HAUS6: variants seen among roughly 807,000 people sequenced by gnomAD.
The protein encoded by HAUS6 is HAUS augmin-like complex subunit 6.
In HAUS6, 80 loss-of-function variants were observed where a neutral mutation model predicts 106.8. The ratio of observed to expected loss-of-function variants is 0.75; its 90% CI spans 0.63 to 0.90. The LOEUF is 0.90. Among genes scored for constraint, HAUS6 ranks in the 40% least tolerant of loss-of-function variants. HAUS6 has a pLI of 0.00. For synonymous variants in HAUS6, 356 were observed against 379.1 expected, an observed-to-expected ratio of 0.94 and a Z score of 0.71; for missense variants, 1,155 against 1,118.1, an observed-to-expected ratio of 1.03 and a Z score of -0.47.
At chr9:19,070,374 C>A in intron 11 of HAUS6, 74 bp from the exon 12 acceptor site, 1 of 836,664 alleles carries the variant, frequency 1.2e-6, no homozygotes, top group Non-Finnish European at 2.0e-6. Context: ...CCTTGAAATT[C>A]GAGAACAACT....
rs994603972 is a variant in HAUS6 at position 19,087,332 on chromosome 9, T to C, written c.585-176A>G. Among the ~76,000 whole-genome samples, 4 of 152,150 alleles carry C rather than the reference T, an allele frequency of 2.6e-5. No homozygotes were observed. In the South Asian group the frequency reaches 6.2e-4, roughly 24 times the overall value. On this transcript the variant is annotated intron_variant, in intron 5 of 16. Transcript: ENST00000380502. The stretch of plus-strand genomic sequence containing the variant: ...AAGTGATTCAACATACAGGCTCCTA[T>C]TGAGATGGACCTAGGACTCATAGGT...
chr9:19,080,492 G>A lies in HAUS6; in HGVS notation c.1051C>T (p.Leu351=), dbSNP rs143462027. ...TKFQKERLSD[L]KHMRYRIKDD... ...TTTTTAGTGTACCTCATATGTTTCA[G>A]ATCTGATAATCTTTCCTTCTGAAAT... The change falls in exon 9 of 17, where the codon CTG becomes TTG. Residue 351 remains leucine, a synonymous_variant. Coordinates refer to ENST00000380502, the MANE Select transcript of HAUS6 (RefSeq NM_017645.5). 4.4e-6 allele frequency: 7 copies of A among 1,604,322 alleles called. No homozygotes were observed. In the African/African-American group the frequency reaches 6.7e-5, roughly 15 times the overall value.
At chr9:19,093,405 G>C (rs1402267890) in intron 3 of HAUS6, 102 bp from the exon 4 acceptor site, 21 of 1,024,652 alleles carry the variant, frequency 2.0e-5, no homozygotes, top group Non-Finnish European at 3.0e-5. Context: ...TCTTGCAATA[G>C]AAGTCCCACA....
intron 9 of HAUS6, among the ~76,000 whole-genome samples, chr9:19,079,722 G>A (rs1837095608): frequency 6.6e-6 from 1 of 151,930 alleles, no homozygotes; most frequent in South Asian, 2.1e-4. Flanking sequence ...GGCCAACATG[G>A]TGAAACCCCA....
At chr9:19,090,365 TTTTC>T (rs1378453616) in intron 4 of HAUS6, among the ~76,000 whole-genome samples, 3 of 152,086 alleles carry the variant, frequency 2.0e-5, no homozygotes, top group Non-Finnish European at 2.9e-5. Context: ...AAACAGAATC[TTTTC>T]TTTTTCTTTT....
intron 11 of HAUS6, among the ~76,000 whole-genome samples, chr9:19,072,294 C>T (rs11789469): frequency 0.035 from 5,277 of 152,216 alleles, 114 homozygotes; most frequent in Non-Finnish European, 0.051. Flanking sequence ...GGGCAGATCA[C>T]TTGAGGTCAG....
In HAUS6 at chr9:19,080,368, G is replaced by C. The variant is rs558613102; in HGVS notation, c.1064+111C>G. The stretch of plus-strand genomic sequence containing the variant: ...GATTATGTAAGATTTTTGAGTATTA[G>C]AATTCTCATACTTGTTTGCCAAAGC... On this transcript the variant is annotated intron_variant, in intron 9 of 16. Transcript: ENST00000380502. 93 of 681,622 alleles carry C rather than the reference G, an allele frequency of 1.4e-4. 1 individual carries two copies. In the South Asian group the frequency reaches 1.5e-3, roughly 11 times the overall value. The allele number at this position is 681,622 out of a possible 1,614,324, so 42.2% of individuals were successfully genotyped here. A position where few individuals can be genotyped will look rare whatever the true frequency, so the allele number is the denominator to read the frequency against.
intron 1 of HAUS6, 68 bp downstream of exon 1, chr9:19,102,456 C>T: frequency 2.6e-6 from 4 of 1,545,364 alleles, no homozygotes; most frequent in Non-Finnish European, 3.5e-6. Flanking sequence ...CCGGGGTCTA[C>T]AAAAGGGGGA....
At chr9:19,094,280 C>G in intron 3 of HAUS6, 37 bp downstream of exon 3, 2 of 1,250,880 alleles carry the variant, frequency 1.6e-6, no homozygotes, top group South Asian at 2.5e-5. Context: ...TTTTTAACTT[C>G]TTAAAGTCTG....
At chr9:19,091,124 C>G (rs1388991931) in intron 4 of HAUS6, among the ~76,000 whole-genome samples, 1 of 151,720 alleles carries the variant, frequency 6.6e-6, no homozygotes, top group Non-Finnish European at 1.5e-5. Context: ...CATAATGATA[C>G]CCCATCTATA....
At chr9:19,086,112 G>C (rs886953052) in intron 7 of HAUS6, among the ~76,000 whole-genome samples, 1 of 151,726 alleles carries the variant, frequency 6.6e-6, no homozygotes, top group African/African-American at 2.4e-5. Context: ...AGGAGTTCAA[G>C]ACCAGCTTGG....
At chr9:19,099,311 C>T (rs1817937672) in intron 1 of HAUS6, among the ~76,000 whole-genome samples, 2 of 151,710 alleles carry the variant, frequency 1.3e-5, no homozygotes, top group Non-Finnish European at 2.9e-5. Context: ...CGACTACAGG[C>T]GCCCGCCAAC....
chr9:19,067,637 C>T (rs1266054650), intron 12 of HAUS6, among the ~76,000 whole-genome samples: 1 of 152,112 alleles, frequency 6.6e-6, no homozygotes, highest in African/African-American at 2.4e-5. Context: ...GGTTGAGTTT[C>T]TGGCTCTTAC....
chr9:19,072,404 A>G (rs946700173), intron 11 of HAUS6, among the ~76,000 whole-genome samples: 2 of 151,338 alleles, frequency 1.3e-5, no homozygotes, highest in African/African-American at 2.4e-5. Flanking sequence ...TCCCAGCTAC[A>G]TGGGAAGCTT....
At position 19,093,231 on chromosome 9, in the gene HAUS6, G is replaced by A. The variant is rs151253216; in HGVS notation, c.376C>T (p.His126Tyr). 41 of 1,608,678 alleles carry A rather than the reference G, an allele frequency of 2.5e-5. No homozygotes were observed. The highest frequency in any genetic ancestry group is 7.7e-6 in the Non-Finnish European group (9 of 1,176,346). The change falls in exon 4 of 17, where the codon CAT (histidine) becomes TAT (tyrosine). Residue 126 changes from histidine to tyrosine, a missense_variant. His to Tyr is a moderately conservative substitution (Grantham distance 83). Transcript: ENST00000380502. ...AATCTTGCAAAATGATACATCAGAT[G>A]AATAAACTTAGGACCACCAGGAGAA... Reference protein sequence around the residue: ...FLSPGGPKFIHLMYHFARFVA... With the variant: ...FLSPGGPKFIYLMYHFARFVA...
intron 5 of HAUS6, among the ~76,000 whole-genome samples, chr9:19,087,548 G>C (rs971680686): frequency 6.6e-6 from 1 of 152,120 alleles, no homozygotes; most frequent in Non-Finnish European, 1.5e-5. Context: ...TACTGTAACT[G>C]TTTACAATTG....
chr9:19,086,620 CAAAAA>C (rs372363190), intron 7 of HAUS6, 109 bp downstream of exon 7: 170 of 370,028 alleles, frequency 4.6e-4, no homozygotes, highest in South Asian at 7.2e-4. Flanking sequence ...ACTCCAACTC[CAAAAA>C]AAAAAAAAAA....
Position 19,060,410 on chromosome 9 carries a change from G to C in HAUS6, c.1630-187C>G, listed in dbSNP as rs35826453. ...GACCATCCAGGTACAATCCTGTAAA[G>C]TGAAATGAAACACTGAAGTATTTCC... On this transcript the variant is annotated intron_variant, in intron 14 of 16. Transcript: ENST00000380502. Among the ~76,000 whole-genome samples, 1,350 of 152,288 alleles carry C rather than the reference G, an allele frequency of 8.9e-3. 13 individuals are homozygous for C. Among genetic ancestry groups the C allele is most frequent in the Admixed American group, 0.018 (269 of 15,296 alleles).
chr9:19,068,944 CAT>C (rs1306784080), intron 12 of HAUS6, among the ~76,000 whole-genome samples: 3 of 152,094 alleles, frequency 2.0e-5, no homozygotes, highest in South Asian at 2.1e-4. Context: ...CCAGTTTTTT[CAT>C]ATGTTAAATC....
Sources: gnomAD v4.1 joint callset for allele counts (sites outside exome capture counted in the v4.1 genomes callset) on GRCh38, gnomAD v4.1.1 for gene constraint, MANE v1.5 for transcripts, NCBI Gene and HGNC (gene_info 2026-07-23, HGNC 2026-07-21) for gene names.